The following CDH12 variants were observed in gnomAD, a reference collection of about 807,000 sequenced individuals.
CDH12 encodes cadherin-12.
A neutral mutation model predicts 74.1 loss-of-function variants in CDH12; 41 were observed. The ratio of observed to expected loss-of-function variants is 0.55; its 90% CI spans 0.43 to 0.72. CDH12 has a LOEUF of 0.72. Ranked by LOEUF, CDH12 falls within the 30% of genes least tolerant of loss-of-function variation. CDH12 has a pLI of 0.00. For synonymous variants in CDH12, 399 were observed against 355.0 expected, an observed-to-expected ratio of 1.12 and a Z score of -1.39; for missense variants, 945 against 977.2, an observed-to-expected ratio of 0.97 and a Z score of 0.44.
At chr5:22,797,183 T>TAA (rs58951425) in intron 1 of CDH12, among the ~76,000 whole-genome samples, 6,949 of 85,816 alleles carry the variant, frequency 0.081, 262 homozygotes, top group Middle Eastern at 0.13. Context: ...AGTGCCTTTA[T>TAA]AAAAAAAAAA....
chr5:22,088,141 A>G (rs1489296108), intron 4 of CDH12, among the ~76,000 whole-genome samples: 5 of 152,212 alleles, frequency 3.3e-5, no homozygotes, highest in Non-Finnish European at 5.9e-5. Flanking sequence ...AGTTATGCTG[A>G]CATTCTACAC....
chr5:21,926,330 C>T (rs1364722374), intron 6 of CDH12, among the ~76,000 whole-genome samples: 2 of 152,194 alleles, frequency 1.3e-5, no homozygotes, highest in Non-Finnish European at 2.9e-5. Flanking sequence ...ATGAGGTTTA[C>T]ACAAACAAGA....
chr5:22,341,252 G>A (rs1274237154), intron 3 of CDH12, among the ~76,000 whole-genome samples: 1 of 152,110 alleles, frequency 6.6e-6, no homozygotes, highest in Admixed American at 6.6e-5. Flanking sequence ...GTATAAGTGA[G>A]GTAGGAGAAT....
chr5:21,878,790 AAAGAAAGAAAG>A (rs1752077298), intron 6 of CDH12, among the ~76,000 whole-genome samples: 1 of 79,192 alleles, frequency 1.3e-5, no homozygotes, highest in African/African-American at 2.8e-5. Flanking sequence ...AGAAAAAAAG[AAAGAAAGAAAG>A]AAGAAAGAAA....
rs750245763 is a variant in CDH12, at chr5:22,209,549, CT to C, written c.-187+2948del. Among the ~76,000 whole-genome samples, 173 of 151,906 alleles carry C rather than the reference CT, an allele frequency of 1.1e-3. 1 individual carries two copies. The highest frequency in any genetic ancestry group is 1.8e-3 in the Non-Finnish European group (125 of 67,928). On this transcript the variant is annotated intron_variant, in intron 4 of 14. Coordinates refer to ENST00000382254, the MANE Select transcript of CDH12 (RefSeq NM_004061.5). ...TTTTATCCTGAGAGTGTGTCAACCT[CT>C]CTTGGAAAGATGTATATGTTACAAA...
At chr5:22,328,934 G>C (rs986566654) in intron 3 of CDH12, among the ~76,000 whole-genome samples, 4 of 152,066 alleles carry the variant, frequency 2.6e-5, no homozygotes, top group Non-Finnish European at 5.9e-5. Context: ...GGAATTTTGA[G>C]CCCACTAAAA....
At position 22,086,076 on chromosome 5, in the gene CDH12, T is replaced by C. The variant is rs143409438; in HGVS notation, c.-186-7214A>G. 5.0e-3 allele frequency among the ~76,000 whole-genome samples: 768 copies of C among 152,282 alleles called. 3 individuals carry two copies. The highest frequency in any genetic ancestry group is 8.3e-3 in the Non-Finnish European group (567 of 68,024). ...AACCTATCCCAAAATGACATATGAC[T>C]CTCTCTCTGGTATAGCAAACCCTTA... is the stretch of plus-strand genomic sequence containing the variant. On this transcript the variant is annotated intron_variant, in intron 4 of 14. Transcript: ENST00000382254.
At chr5:22,445,869 C>T (rs779679011) in intron 2 of CDH12, among the ~76,000 whole-genome samples, 10 of 152,122 alleles carry the variant, frequency 6.6e-5, no homozygotes, top group Non-Finnish European at 1.0e-4. Flanking sequence ...TGCAGTTCCT[C>T]TACATAAGCA....
intron 3 of CDH12, among the ~76,000 whole-genome samples, chr5:22,290,316 C>A (rs1187056140): frequency 6.6e-6 from 1 of 152,006 alleles, no homozygotes; most frequent in Non-Finnish European, 1.5e-5. Flanking sequence ...GATTGATTGA[C>A]TTTCTCACAA....
chr5:22,350,870 A>T (rs530136491), intron 3 of CDH12, among the ~76,000 whole-genome samples: 3 of 152,192 alleles, frequency 2.0e-5, no homozygotes, highest in Non-Finnish European at 4.4e-5. Context: ...GGCAAAGGTG[A>T]GGGAAATTGG....
At chr5:22,559,785 G>C (rs1738962632) in intron 1 of CDH12, among the ~76,000 whole-genome samples, 2 of 152,174 alleles carry the variant, frequency 1.3e-5, no homozygotes, top group African/African-American at 4.8e-5. Flanking sequence ...GTTTCTGGCA[G>C]TTTCTCATTA....
At chr5:21,848,625 T>C (rs574728588) in intron 7 of CDH12, among the ~76,000 whole-genome samples, 1 of 152,098 alleles carries the variant, frequency 6.6e-6, no homozygotes, top group South Asian at 2.1e-4. Flanking sequence ...GTATATGATT[T>C]TTTAAATTTT....
At chr5:21,859,203 T>C (rs573157355) in intron 6 of CDH12, among the ~76,000 whole-genome samples, 8 of 152,046 alleles carry the variant, frequency 5.3e-5, no homozygotes, top group Admixed American at 4.6e-4. Flanking sequence ...GCTGGGTCAT[T>C]CATAAAGAAA....
intron 1 of CDH12, among the ~76,000 whole-genome samples, chr5:22,506,729 CT>C (rs1463563698): frequency 6.6e-6 from 1 of 151,960 alleles, no homozygotes; most frequent in Non-Finnish European, 1.5e-5. Context: ...GTGAAGTGAG[CT>C]GGGAAATTTA....
At chr5:21,880,681 TTC>T (rs1484657192) in intron 6 of CDH12, among the ~76,000 whole-genome samples, 1 of 130,712 alleles carries the variant, frequency 7.7e-6, no homozygotes, top group Non-Finnish European at 1.7e-5. Context: ...CTTTCTTTCT[TTC>T]TTTCTTTCTC....
chr5:21,999,486 T>C (rs988269153), intron 5 of CDH12, among the ~76,000 whole-genome samples: 1 of 152,308 alleles, frequency 6.6e-6, no homozygotes, highest in African/African-American at 2.4e-5. Flanking sequence ...ACAAGAAATA[T>C]GATTTGATCT....
chr5:22,535,223 T>C (rs1256851141), intron 1 of CDH12, among the ~76,000 whole-genome samples: 5 of 145,796 alleles, frequency 3.4e-5, no homozygotes, highest in Admixed American at 6.9e-5. Flanking sequence ...GGCGCGGTCT[T>C]GGCTCAATGC....
chr5:22,438,964 C>T (rs1744515379), intron 2 of CDH12, among the ~76,000 whole-genome samples: 2 of 151,706 alleles, frequency 1.3e-5, no homozygotes, highest in Non-Finnish European at 1.5e-5. Context: ...TTTATCTGTG[C>T]TGATGACAGA....
chr5:22,392,941 C>G (rs2126423707), intron 3 of CDH12, among the ~76,000 whole-genome samples: 1 of 152,250 alleles, frequency 6.6e-6, no homozygotes, highest in East Asian at 1.9e-4. Context: ...TGTAGTCAGG[C>G]TACTCTCTCG....
Sources: gnomAD v4.1 joint callset for allele counts (sites outside exome capture counted in the v4.1 genomes callset) on GRCh38, gnomAD v4.1.1 for gene constraint, MANE v1.5 for transcripts, NCBI Gene and HGNC (gene_info 2026-07-23, HGNC 2026-07-21) for gene names.